PAM: variants seen among roughly 807,000 people sequenced by gnomAD.
The protein encoded by PAM is peptidyl-glycine alpha-amidating monooxygenase.
PAM carries 72 observed loss-of-function variants against 122.1 expected under a neutral mutation model. The ratio of observed to expected loss-of-function variants is 0.59; its 90% confidence interval spans 0.49 to 0.72. The LOEUF is 0.72. PAM is among the 30% of genes least tolerant of loss of function. The pLI is 0.00. For synonymous variants in PAM, 389 were observed against 404.4 expected, an observed-to-expected ratio of 0.96 and a Z score of 0.46; for missense variants, 1,106 against 1,183.7, an observed-to-expected ratio of 0.93 and a Z score of 0.96.
intron 1 of PAM, among the ~76,000 whole-genome samples, chr5:102,756,212 T>C (rs886741502): frequency 1.3e-5 from 2 of 152,198 alleles, no homozygotes; most frequent in Admixed American, 6.5e-5. Context: ...GGTCCTGTGT[T>C]CTGATCGTCT....
chr5:102,854,304 T>C (rs1782064405), intron 1 of PAM, among the ~76,000 whole-genome samples: 1 of 152,222 alleles, frequency 6.6e-6, no homozygotes, highest in Non-Finnish European at 1.5e-5. Context: ...AATGTCCTCA[T>C]TTTAAAAAGG....
chr5:102,780,761 TTCTTTCTTTC>T lies in PAM; in HGVS notation c.-374+25415_-374+25424del, dbSNP rs753189125. 1.1e-3 allele frequency among the ~76,000 whole-genome samples: 30 copies of T among 27,906 alleles called. 1 individual carries two copies. Among genetic ancestry groups the T allele is most frequent in the Non-Finnish European group, 2.1e-3 (26 of 12,596 alleles). 18.3% of individuals were successfully genotyped at this position (27,906 alleles called of 152,430 possible). A position where few individuals can be genotyped will look rare whatever the true frequency, so the allele number is the denominator to read the frequency against. On this transcript the variant is annotated intron_variant, in intron 1 of 25. Transcript: ENST00000438793. Reference sequence around the variant, plus strand: ...CACCTTTTTCTTTCTTTCTCTTTCTTTCTTTCTTTCTTTCTTTCTTTCTTTCTTTCTTTCT... The same window carrying T: ...CACCTTTTTCTTTCTTTCTCTTTCTTTTTCTTTCTTTCTTTCTTTCTTTCT...
In PAM at chr5:102,883,631, C is replaced by T. The variant is rs986070573; in HGVS notation, c.210+16238C>T. 2.6e-5 allele frequency among the ~76,000 whole-genome samples: 4 copies of T among 151,912 alleles called. No homozygotes were observed. The South Asian group carries it at 8.3e-4, about 31-fold the overall frequency. On this transcript the variant is annotated intron_variant, in intron 3 of 25. Coordinates refer to ENST00000438793, the MANE Select transcript of PAM (RefSeq NM_001177306.2). ...TTTTTGGATGAATCTTTAGGGTTTT[C>T]TAAGTATACGATCATTTCATCAGCA... is the stretch of plus-strand genomic sequence containing the variant.
intron 1 of PAM, among the ~76,000 whole-genome samples, chr5:102,786,556 C>G (rs28613027): frequency 0.018 from 2,742 of 152,100 alleles, 70 homozygotes; most frequent in African/African-American, 0.061. Context: ...TGATTATAAA[C>G]TAGTGATTTC....
intron 3 of PAM, among the ~76,000 whole-genome samples, chr5:102,876,538 T>C (rs540673092): frequency 5.6e-4 from 85 of 152,320 alleles, no homozygotes; most frequent in African/African-American, 1.9e-3. Context: ...CATTTCTGTG[T>C]TATAAATAGT....
chr5:102,889,642 T>C (rs2151252246), intron 3 of PAM, among the ~76,000 whole-genome samples: 1 of 152,074 alleles, frequency 6.6e-6, no homozygotes, highest in East Asian at 1.9e-4. Flanking sequence ...ATAGAAATGA[T>C]ACAGTGTGGT....
intron 16 of PAM, among the ~76,000 whole-genome samples, chr5:102,994,689 G>T (rs1282003843): frequency 6.6e-6 from 1 of 152,076 alleles, no homozygotes; most frequent in African/African-American, 2.4e-5. Flanking sequence ...TTTACTGGAA[G>T]TTTATGCTTA....
chr5:102,782,179 A>C (rs1348160315), intron 1 of PAM, among the ~76,000 whole-genome samples: 1 of 152,242 alleles, frequency 6.6e-6, no homozygotes, highest in Non-Finnish European at 1.5e-5. Flanking sequence ...AGAGTAAATC[A>C]TACCTCACAC....
intron 5 of PAM, among the ~76,000 whole-genome samples, chr5:102,918,110 C>G (rs972696837): frequency 4.6e-5 from 7 of 152,104 alleles, no homozygotes; most frequent in African/African-American, 1.7e-4. Context: ...TAACATACCT[C>G]TAGAGGTTGC....
intron 3 of PAM, among the ~76,000 whole-genome samples, chr5:102,897,182 CA>C (rs1796444456): frequency 6.6e-6 from 1 of 151,544 alleles, no homozygotes; most frequent in South Asian, 2.1e-4. Context: ...TAGTTTTTCC[CA>C]AAATGCAGTT....
chr5:102,795,213 G>GAAAAAAAAA (rs1385469058), intron 1 of PAM, among the ~76,000 whole-genome samples: 1 of 82,884 alleles, frequency 1.2e-5, no homozygotes, highest in South Asian at 3.6e-4. Flanking sequence ...AAAAAAAAAA[G>GAAAAAAAAA]AAGAGAAGAA....
At chr5:102,814,181 C>T (rs1472917141) in intron 1 of PAM, among the ~76,000 whole-genome samples, 1 of 152,148 alleles carries the variant, frequency 6.6e-6, no homozygotes, top group Admixed American at 6.6e-5. Context: ...AGGGAATGAG[C>T]TCACTAACGC....
At chr5:103,022,106 A>AC (rs1168182874) in intron 23 of PAM, among the ~76,000 whole-genome samples, 15 of 110,180 alleles carry the variant, frequency 1.4e-4, no homozygotes, top group South Asian at 1.2e-3. Flanking sequence ...CCCCAAGCCC[A>AC]CCCCCCCAAA....
chr5:102,814,134 C>T (rs980441217), intron 1 of PAM, among the ~76,000 whole-genome samples: 3 of 152,204 alleles, frequency 2.0e-5, no homozygotes, highest in Non-Finnish European at 4.4e-5. Flanking sequence ...GGGATGGCAA[C>T]TGGAGACCAT....
intron 3 of PAM, among the ~76,000 whole-genome samples, chr5:102,870,012 A>G (rs547080922): frequency 7.2e-5 from 11 of 152,274 alleles, no homozygotes; most frequent in Non-Finnish European, 1.3e-4. Context: ...TAACTAGACT[A>G]TGAAGAAAGA....
chr5:102,967,716 CTTTTTTT>C (rs199841427), intron 14 of PAM, among the ~76,000 whole-genome samples: 2 of 131,040 alleles, frequency 1.5e-5, no homozygotes, highest in Admixed American at 7.9e-5. Flanking sequence ...AAAACTAGGC[CTTTTTTT>C]TTTTTTTTTT....
At chr5:102,820,919 C>A (rs1580542413) in intron 1 of PAM, among the ~76,000 whole-genome samples, 1 of 152,112 alleles carries the variant, frequency 6.6e-6, no homozygotes, top group Non-Finnish European at 1.5e-5. Flanking sequence ...AACCCACTTA[C>A]AAGAAAGGGC....
chr5:102,986,710 A>G (rs1239824145), intron 15 of PAM, among the ~76,000 whole-genome samples: 1 of 152,124 alleles, frequency 6.6e-6, no homozygotes, highest in Non-Finnish European at 1.5e-5. Flanking sequence ...AGCTCCCACA[A>G]TTCCCATGTG....
intron 7 of PAM, among the ~76,000 whole-genome samples, chr5:102,934,404 A>G (rs958151864): frequency 2.6e-5 from 4 of 152,224 alleles, no homozygotes; most frequent in African/African-American, 9.6e-5. Flanking sequence ...TCTCAGCTCC[A>G]GAGACAGCAG....
Sources: allele counts gnomAD v4.1 joint callset (sites outside exome capture counted in the v4.1 genomes callset), GRCh38; gene constraint gnomAD v4.1.1; transcripts MANE v1.5; gene names NCBI Gene and HGNC (gene_info 2026-07-23, HGNC 2026-07-21).